MRPL18: variants seen among roughly 807,000 people sequenced by gnomAD.
The protein encoded by MRPL18 is large ribosomal subunit protein uL18m.
Under a neutral mutation model 20.9 loss-of-function variants are expected in MRPL18, and 16 were observed. The observed-to-expected ratio is 0.76, with a 90% CI of 0.52 to 1.16. The LOEUF (loss-of-function observed/expected upper bound fraction) is 1.16. MRPL18 is among the 50% of genes most tolerant of loss of function. MRPL18 has a pLI of 0.00. For missense variants in MRPL18, 233 were observed against 230.6 expected (o/e 1.01, Z -0.07); for synonymous variants, 91 against 87.1 (o/e 1.04, Z -0.25).
chr6:159,789,900 G>A (rs772013122), upstream of MRPL18: 6 of 204,520 alleles, frequency 2.9e-5, no homozygotes, highest in African/African-American at 4.6e-5. Context: ...TTGTAAGAAG[G>A]GTGGAGCTTG....
In MRPL18 at chr6:159,797,407, A is replaced by T; in HGVS notation, c.360A>T (p.Arg120Ser). ...TTAAAAAGCACCTTTATAGTACCAG[A>T]AATGTGGTGGCTTGTGAGAGTATAG... is the stretch of plus-strand genomic sequence containing the variant. ...WAIKKHLYST[R>S]NVVACESIGR... is the part of the protein sequence containing the mutation. The change falls in exon 3 of 4, where the codon AGA becomes AGT. Residue 120 changes from arginine (R) to serine (S), a missense_variant. Physicochemically the swap from Arg to Ser is moderately radical, Grantham distance 110. Coordinates refer to ENST00000367034, the MANE Select transcript of MRPL18 (RefSeq NM_014161.5). 2 of 1,614,154 alleles carry T rather than the reference A, an allele frequency of 1.2e-6. No homozygotes were observed. The highest frequency in any genetic ancestry group is 1.7e-6 in the Non-Finnish European group (2 of 1,180,022).
Position 159,797,304 on chromosome 6 carries a change from C to T in MRPL18, c.257C>T (p.Thr86Ile). Residue 86 changes from threonine (T) to isoleucine (I), a missense_variant, in exon 3 of 4, where the codon ACT becomes ATT. Thr to Ile is a moderately conservative substitution (Grantham distance 89). Transcript: ENST00000367034. ...EFWHRLRVIR[T>I]QHHVEALVEH... ...CCATTTAGGTTGCGAGTTATAAGGACTCAGCATCATGTAGAAGCACTTGTG... is the reference window on the plus strand; with the variant it reads ...CCATTTAGGTTGCGAGTTATAAGGATTCAGCATCATGTAGAAGCACTTGTG... 1.9e-6 allele frequency: 3 copies of T among 1,614,170 alleles called. No individual in the cohort carries two copies. The highest frequency in any genetic ancestry group is 2.5e-6 in the Non-Finnish European group (3 of 1,180,034).
chr6:159,791,159 G>T (rs1379306346), intron 2 of MRPL18, 33 bp downstream of exon 2: 23 of 1,611,368 alleles, frequency 1.4e-5, no homozygotes, highest in Non-Finnish European at 1.8e-5. Flanking sequence ...GACAAGGGCA[G>T]TGCACCCTAC....
In MRPL18 at chr6:159,798,194, T is replaced by C. The variant is rs919028534; in HGVS notation, c.*71T>C. ...CCACTACAGCCATCAAAAGAGAGCATCTGGAAGAACAGCCAGCTTGGAAGT... is the reference window on the plus strand; with the variant it reads ...CCACTACAGCCATCAAAAGAGAGCACCTGGAAGAACAGCCAGCTTGGAAGT... On this transcript the variant is annotated 3_prime_UTR_variant, in exon 4 of 4. Transcript: ENST00000367034. The C allele has an allele frequency of 4.7e-5, 62 of 1,306,182 alleles. No individual in the cohort carries two copies. Among genetic ancestry groups the C allele is most frequent in the Middle Eastern group, 1.9e-4 (1 of 5,380 alleles). 80.9% of individuals were successfully genotyped at this position (1,306,182 alleles called of 1,614,324 possible).
chr6:159,794,565 T>C (rs1780985289), intron 2 of MRPL18, among the ~76,000 whole-genome samples: 1 of 152,262 alleles, frequency 6.6e-6, no homozygotes, highest in Admixed American at 6.5e-5. Flanking sequence ...GCATGGATTT[T>C]ACTTAACTCG....
chr6:159,795,525 C>T (rs1311029961), intron 2 of MRPL18, among the ~76,000 whole-genome samples: 1 of 152,176 alleles, frequency 6.6e-6, no homozygotes, highest in African/African-American at 2.4e-5. Context: ...CCATTTAACC[C>T]TGAGTTTGAC....
Position 159,798,327 on chromosome 6 carries a change from C to T in MRPL18, c.*204C>T, listed in dbSNP as rs1251779364. ...TACGTTCTGCCCCTCTCTTGGGCTT[C>T]AGAAGCATCTAAGAAAAGCAGTCAT... On this transcript the variant is annotated 3_prime_UTR_variant, in exon 4 of 4. Transcript: ENST00000367034. 3 of 452,320 alleles carry T rather than the reference C, an allele frequency of 6.6e-6. No homozygotes were observed. The highest frequency in any genetic ancestry group is 2.0e-5 in the African/African-American group (1 of 49,162). The allele number at this position is 452,320 out of a possible 1,614,324, so 28.0% of individuals were successfully genotyped here.
intron 2 of MRPL18, among the ~76,000 whole-genome samples, chr6:159,796,479 C>T (rs1188890700): frequency 8.3e-6 from 1 of 120,174 alleles, no homozygotes; most frequent in African/African-American, 3.0e-5. Context: ...GACCCTGTCT[C>T]AAAAAAAAAA....
chr6:159,790,612 GGGT>G lies in MRPL18; in HGVS notation c.26_28del (p.Gly9_Leu10delinsVal), dbSNP rs1562487647. 3 of 1,537,302 alleles carry G rather than the reference GGGT, an allele frequency of 2.0e-6. No individual in the cohort carries two copies. In the South Asian group the frequency reaches 3.4e-5, roughly 17 times the overall value. ...GATGGCGCTTCGGTCGCGGTTTTGG[GGGT>G]TGTTCTCGGTTTGCAGGAACCCTGG... On this transcript the variant is annotated inframe_deletion, in exon 1 of 4. Coordinates refer to ENST00000367034, the MANE Select transcript of MRPL18 (RefSeq NM_014161.5).
upstream of MRPL18, chr6:159,790,151 C>G (rs904033915): frequency 4.6e-6 from 1 of 218,980 alleles, no homozygotes; most frequent in South Asian, 7.9e-5. Context: ...GACAACCACC[C>G]TTTTTAAGGA....
In MRPL18 at chr6:159,797,270, C is replaced by T. The variant is rs1781051236; in HGVS notation, c.240-17C>T. ...ACAGATTCTTCTGTGATTTTATTAT[C>T]TTCTCACCCCATTTAGGTTGCGAGT... On this transcript the variant is annotated splice_polypyrimidine_tract_variant and intron_variant, in intron 2 of 3. Coordinates refer to ENST00000367034, the MANE Select transcript of MRPL18 (RefSeq NM_014161.5). The T allele has an allele frequency of 1.9e-6, 3 of 1,600,588 alleles. No homozygotes were observed.
chr6:159,790,862 G>A, intron 1 of MRPL18, 78 bp from the exon 2 acceptor site: 1 of 1,548,042 alleles, frequency 6.5e-7, no homozygotes, highest in Non-Finnish European at 8.8e-7. Context: ...GTGTAAAAGC[G>A]GATAGACGTT....
Position 159,797,538 on chromosome 6 carries a change from CTTA to C in MRPL18, c.471+23_471+25del. ...GACTCGGTATTTTTGTTTTCATGTA[CTTA>C]TTGAAAAGGTATTGTGTTAATTCTT... On this transcript the variant is annotated intron_variant, in intron 3 of 3. Transcript: ENST00000367034. The C allele has an allele frequency of 6.3e-7, 1 of 1,598,360 alleles. No homozygotes were observed. Among genetic ancestry groups the C allele is most frequent in the African/African-American group, 1.3e-5 (1 of 74,734 alleles).
intron 3 of MRPL18, 52 bp from the exon 4 acceptor site, chr6:159,798,000 A>T (rs1315526368): frequency 3.5e-6 from 5 of 1,442,014 alleles, no homozygotes; most frequent in Non-Finnish European, 3.9e-6. Flanking sequence ...TTTTCAGCCT[A>T]CTCGTGCTGC....
In MRPL18 at chr6:159,798,108, G is replaced by A. The variant is rs771123845; in HGVS notation, c.528G>A (p.Gln176=). ...GTGGTGTGGTTCTACGGGAACCTCAGAGAATCTATGAATAAATGGAAGCAT... is the reference window on the plus strand; with the variant it reads ...GTGGTGTGGTTCTACGGGAACCTCAAAGAATCTATGAATAAATGGAAGCAT... ...TEGGVVLREP[Q]RIYE Residue 176 remains glutamine, a synonymous_variant, in exon 4 of 4, where the codon CAG becomes CAA. Transcript: ENST00000367034. The A allele has an allele frequency of 6.2e-6, 10 of 1,612,138 alleles. No homozygotes were observed. The highest frequency in any genetic ancestry group is 2.5e-6 in the Non-Finnish European group (3 of 1,178,486).
chr6:159,796,764 A>G (rs894688908), intron 2 of MRPL18, among the ~76,000 whole-genome samples: 3 of 152,192 alleles, frequency 2.0e-5, no homozygotes, highest in Non-Finnish European at 4.4e-5. Context: ...GAGCTGGGTG[A>G]CAGTGAGACC....
chr6:159,796,804 G>T (rs936723092), intron 2 of MRPL18, among the ~76,000 whole-genome samples: 3 of 152,124 alleles, frequency 2.0e-5, no homozygotes, highest in Admixed American at 6.5e-5. Context: ...AAAGCCATAT[G>T]ACATGGTTTG....
chr6:159,790,146 C>T (rs1323379320), upstream of MRPL18: 2 of 213,108 alleles, frequency 9.4e-6, no homozygotes, highest in Admixed American at 8.9e-5. Flanking sequence ...AGGAAGACAA[C>T]CACCCTTTTT....
At chr6:159,795,049 T>C (rs758674784) in intron 2 of MRPL18, among the ~76,000 whole-genome samples, 31 of 152,256 alleles carry the variant, frequency 2.0e-4, no homozygotes, top group Non-Finnish European at 1.9e-4. Context: ...CTTTTAGATA[T>C]GCATACACAT....
Sources: allele counts gnomAD v4.1 joint callset (sites outside exome capture counted in the v4.1 genomes callset), GRCh38; gene constraint gnomAD v4.1.1; transcripts MANE v1.5; gene names NCBI Gene and HGNC (gene_info 2026-07-23, HGNC 2026-07-21).